EFCAB6: variants seen among roughly 807,000 people sequenced by gnomAD.
EFCAB6 encodes the protein EF-hand calcium binding domain 6.
EFCAB6 carries 156 observed loss-of-function variants against 169.8 expected under a neutral mutation model. The ratio of observed to expected loss-of-function variants is 0.92; its 90% confidence interval spans 0.81 to 1.05. The LOEUF (loss-of-function observed/expected upper bound fraction) is 1.05. Among genes scored for constraint, EFCAB6 ranks in the 50% least tolerant of loss-of-function variants. The pLI, the probability that EFCAB6 is intolerant of heterozygous loss-of-function variation, is 0.00. For missense variants in EFCAB6, 1,800 were observed against 1,829.1 expected (o/e 0.98, Z 0.29); for synonymous variants, 698 against 676.4 (o/e 1.03, Z -0.50).
intron 10 of EFCAB6, among the ~76,000 whole-genome samples, chr22:43,694,652 C>T (rs183486175): frequency 4.6e-5 from 7 of 152,112 alleles, no homozygotes; most frequent in Admixed American, 4.6e-4. Context: ...GTTGGCTTAA[C>T]ATTTGAAAAT....
rs544045771 is a variant in EFCAB6 at position 43,711,475 on chromosome 22, C to A, written c.1031G>T (p.Arg344Ile). 6.3e-7 allele frequency: 1 copy of A among 1,576,998 alleles called. No individual in the cohort carries two copies. The highest frequency in any genetic ancestry group is 8.6e-7 in the Non-Finnish European group (1 of 1,168,364). The change falls in exon 10 of 32, where the codon AGA (arginine) becomes ATA (isoleucine). Residue 344 changes from arginine to isoleucine, a missense_variant and splice_region_variant. Coordinates refer to ENST00000262726, the MANE Select transcript of EFCAB6 (RefSeq NM_022785.4). ...GTCAAGGAAACAATGAGACTCTTAC[C>A]TTTTCATTAACTGGATAAAAATTCT... ...PRRIFIQLMK[R>I]FGLKATTKIN...
intron 27 of EFCAB6, chr22:43,553,683 C>G (rs981843225): frequency 1.3e-5 from 2 of 152,342 alleles, no homozygotes; most frequent in African/African-American, 4.8e-5. Flanking sequence ...TGCTCTCTTC[C>G]CTCCCACAGC....
intron 7 of EFCAB6, among the ~76,000 whole-genome samples, chr22:43,734,536 G>T (rs1422275913): frequency 6.6e-6 from 1 of 152,094 alleles, no homozygotes; most frequent in Non-Finnish European, 1.5e-5. Flanking sequence ...CCAAACACAA[G>T]GTTTATTGTC....
chr22:43,721,185 C>A (rs1434600304), intron 8 of EFCAB6, among the ~76,000 whole-genome samples: 3 of 152,122 alleles, frequency 2.0e-5, no homozygotes, highest in Non-Finnish European at 4.4e-5. Context: ...TGAAAGATCT[C>A]TACAAGAAGA....
intron 8 of EFCAB6, among the ~76,000 whole-genome samples, chr22:43,723,626 A>T (rs1353929173): frequency 6.6e-6 from 1 of 152,248 alleles, no homozygotes; most frequent in Non-Finnish European, 1.5e-5. Flanking sequence ...ACAAAGGTGG[A>T]GCCCACTCTG....
At chr22:43,782,384 C>T in intron 2 of EFCAB6, 59 bp from the exon 3 acceptor site, 2 of 1,478,106 alleles carry the variant, frequency 1.4e-6, no homozygotes, top group Non-Finnish European at 1.9e-6. Context: ...CCAAATGTGG[C>T]CAATTTCCTA....
At chr22:43,635,839 C>A (rs1602789957) in intron 17 of EFCAB6, among the ~76,000 whole-genome samples, 1 of 152,188 alleles carries the variant, frequency 6.6e-6, no homozygotes, top group Non-Finnish European at 1.5e-5. Context: ...AGAAAACACT[C>A]TTCCCTGCCT....
At chr22:43,544,992 A>C (rs903142400) in intron 27 of EFCAB6, among the ~76,000 whole-genome samples, 1 of 151,950 alleles carries the variant, frequency 6.6e-6, no homozygotes, top group African/African-American at 2.4e-5. Context: ...AAAAAGAAAA[A>C]AAAAATTAGC....
chr22:43,557,267 C>T (rs2048762725), intron 26 of EFCAB6, among the ~76,000 whole-genome samples: 1 of 152,188 alleles, frequency 6.6e-6, no homozygotes, highest in Non-Finnish European at 1.5e-5. Context: ...TGAATGTTCT[C>T]TGAAAGTATT....
chr22:43,627,957 T>A (rs1414246078), intron 19 of EFCAB6, among the ~76,000 whole-genome samples: 3 of 152,182 alleles, frequency 2.0e-5, no homozygotes, highest in Non-Finnish European at 4.4e-5. Flanking sequence ...ATGCCGCCCC[T>A]GCCTCCGGAA....
intron 10 of EFCAB6, among the ~76,000 whole-genome samples, chr22:43,688,496 T>C (rs759160610): frequency 1.3e-5 from 2 of 152,214 alleles, no homozygotes; most frequent in African/African-American, 4.8e-5. Flanking sequence ...TTCAGAGTTA[T>C]AAGATTCCTG....
At position 43,540,110 on chromosome 22, in the gene EFCAB6, C is replaced by T; in HGVS notation, c.3879+17G>A. 1 of 1,612,834 alleles carries T rather than the reference C, an allele frequency of 6.2e-7. No homozygotes were observed. The highest frequency in any genetic ancestry group is 1.1e-5 in the South Asian group (1 of 91,026). On this transcript the variant is annotated intron_variant, in intron 28 of 31. Coordinates refer to ENST00000262726, the MANE Select transcript of EFCAB6 (RefSeq NM_022785.4). The stretch of plus-strand genomic sequence containing the variant: ...GCATGAGGAGGCCTGGGACACCTGG[C>T]AGGATGGAGAACTCACACAGGGGTG...
chr22:43,656,129 G>A (rs949251750), intron 17 of EFCAB6, among the ~76,000 whole-genome samples: 2 of 152,236 alleles, frequency 1.3e-5, no homozygotes, highest in East Asian at 3.9e-4. Context: ...AGTGGCTCAC[G>A]CATGTAATCT....
At chr22:43,763,609 T>C (rs1384029064) in intron 5 of EFCAB6, among the ~76,000 whole-genome samples, 1 of 152,128 alleles carries the variant, frequency 6.6e-6, no homozygotes, top group African/African-American at 2.4e-5. Context: ...TCAAATTTAA[T>C]TTTTTTAATC....
chr22:43,575,354 CTA>C (rs1215263471), intron 26 of EFCAB6, among the ~76,000 whole-genome samples: 12 of 124,134 alleles, frequency 9.7e-5, no homozygotes, highest in South Asian at 2.7e-4. Context: ...CCACATCCGG[CTA>C]TGTTTTTTTT....
chr22:43,722,842 G>A (rs1267784915), intron 8 of EFCAB6, among the ~76,000 whole-genome samples: 1 of 152,054 alleles, frequency 6.6e-6, no homozygotes, highest in African/African-American at 2.4e-5. Flanking sequence ...AGAAAATGTG[G>A]TACGGATATA....
intron 5 of EFCAB6, among the ~76,000 whole-genome samples, chr22:43,757,239 T>G (rs2060989703): frequency 6.6e-6 from 1 of 152,218 alleles, no homozygotes; most frequent in African/African-American, 2.4e-5. Flanking sequence ...AAACGCTATT[T>G]GTAAAATGTT....
At position 43,744,480 on chromosome 22, in the gene EFCAB6, T is replaced by C. The variant is rs1017015117; in HGVS notation, c.508-8487A>G. Among the ~76,000 whole-genome samples, 11 of 152,124 alleles carry C rather than the reference T, an allele frequency of 7.2e-5. No individual in the cohort carries two copies. The highest frequency in any genetic ancestry group is 1.2e-4 in the African/African-American group (5 of 41,416). ...AGCAGCCTGAACACCTATTTTGGTA[T>C]GGACGGGACTTGTGAATTTTCCATG... On this transcript the variant is annotated intron_variant, in intron 6 of 31. Coordinates refer to ENST00000262726, the MANE Select transcript of EFCAB6 (RefSeq NM_022785.4). This position sits in a 1 kb window ranked among gnomAD's most constrained non-coding sequence, Gnocchi z 4.3.
chr22:43,755,291 G>A (rs1331234557), intron 6 of EFCAB6, among the ~76,000 whole-genome samples: 1 of 152,170 alleles, frequency 6.6e-6, no homozygotes, highest in Non-Finnish European at 1.5e-5. Flanking sequence ...AAATAGGAAC[G>A]ATGCTATATG....
Sources: allele counts gnomAD v4.1 joint callset (sites outside exome capture counted in the v4.1 genomes callset), GRCh38; gene constraint gnomAD v4.1.1; non-coding constraint Gnocchi (gnomAD v3.1); transcripts MANE v1.5; gene names NCBI Gene and HGNC (gene_info 2026-07-23, HGNC 2026-07-21).